Variants in ABCC2 observed in about 807,000 individuals in gnomAD.
ABCC2 encodes ATP-binding cassette sub-family C member 2.
Under a neutral mutation model 173.4 loss-of-function variants are expected in ABCC2, and 157 were observed. The ratio of observed to expected loss-of-function variants is 0.91; its 90% CI spans 0.80 to 1.03. ABCC2 has a LOEUF of 1.03. ABCC2 is among the 50% of genes least tolerant of loss of function. The pLI, the probability that ABCC2 is intolerant of heterozygous loss-of-function variation, is 0.00. For synonymous variants in ABCC2, 657 were observed against 693.5 expected (o/e 0.95, Z 0.83); for missense variants, 1,822 against 1,852.3 (o/e 0.98, Z 0.30).
chr10:99,807,364 A>G lies in ABCC2; in HGVS notation c.1531-20A>G, dbSNP rs2038128435. The G allele has an allele frequency of 1.2e-6, 2 of 1,613,506 alleles. No individual in the cohort carries two copies. Among genetic ancestry groups the G allele is most frequent in the South Asian group, 2.2e-5 (2 of 91,084 alleles). On this transcript the variant is annotated intron_variant, in intron 11 of 31. Coordinates refer to ENST00000647814, the MANE Select transcript of ABCC2 (RefSeq NM_000392.5). The stretch of plus-strand genomic sequence containing the variant: ...TTTCAGGGGCAATCATGTGAGCTGT[A>G]TTTTTTTTCAACTTATTAGATCCTG...
chr10:99,793,460 T>G (rs1232027217), intron 3 of ABCC2, 91 bp from the exon 4 acceptor site: 1 of 1,575,650 alleles, frequency 6.3e-7, no homozygotes, highest in Non-Finnish European at 8.7e-7. Context: ...CCCTCAGCCC[T>G]CCTTTCTTCC....
At chr10:99,814,378 C>T (rs569329905) in intron 16 of ABCC2, among the ~76,000 whole-genome samples, 707 of 24,122 alleles carry the variant, frequency 0.029, 153 homozygotes, top group South Asian at 0.05. Context: ...TATATATACA[C>T]ATATATACAT....
chr10:99,801,670 G>C (rs559003024), intron 9 of ABCC2, among the ~76,000 whole-genome samples: 5 of 152,326 alleles, frequency 3.3e-5, no homozygotes, highest in South Asian at 2.1e-4. Context: ...ACAGGCTTGA[G>C]GAGAAAATTC....
At chr10:99,797,074 C>A in intron 6 of ABCC2, 23 bp from the exon 7 acceptor site, 1 of 1,609,036 alleles carries the variant, frequency 6.2e-7, no homozygotes, top group Non-Finnish European at 8.5e-7. Flanking sequence ...GGGGTCTCAG[C>A]CTGTGGTTCG....
chr10:99,818,382 T>C (rs186274924), intron 17 of ABCC2, among the ~76,000 whole-genome samples: 170 of 152,306 alleles, frequency 1.1e-3, no homozygotes, highest in Non-Finnish European at 1.8e-3. Context: ...AACAAAAATC[T>C]TGAGATGTTA....
chr10:99,845,697 C>T lies in ABCC2; in HGVS notation c.4061C>T (p.Ala1354Val). The T allele has an allele frequency of 1.9e-6, 3 of 1,614,024 alleles. No homozygotes were observed. Among genetic ancestry groups the T allele is most frequent in the South Asian group, 1.1e-5 (1 of 91,058 alleles). The change falls in exon 29 of 32, where the codon GCC becomes GTC. Residue 1354 changes from alanine to valine, a missense_variant. Ala to Val is a moderately conservative substitution (Grantham distance 64). Transcript: ENST00000647814. ...TNCLFRILEA[A>V]GGQIIIDGVD... ...TGCCTCTTCAGAATCTTAGAGGCTG[C>T]CGGTGGTCAGATTATCATTGATGGA...
At chr10:99,832,876 C>G (rs1315767197) in intron 23 of ABCC2, among the ~76,000 whole-genome samples, 8 of 152,226 alleles carry the variant, frequency 5.3e-5, no homozygotes, top group Non-Finnish European at 1.2e-4. Context: ...CACTGGGGCA[C>G]TCAATGAATG....
intron 12 of ABCC2, 76 bp from the exon 13 acceptor site, chr10:99,808,007 T>C (rs1030113748): frequency 7.1e-6 from 11 of 1,551,422 alleles, no homozygotes; most frequent in African/African-American, 1.4e-5. Context: ...CTCTGATATA[T>C]GGTGTTCCTG....
chr10:99,784,816 C>A (rs751840784), intron 2 of ABCC2, 35 bp downstream of exon 2: 2 of 1,607,336 alleles, frequency 1.2e-6, no homozygotes, highest in African/African-American at 1.3e-5. Context: ...AACTCTAATT[C>A]CTTGGTGCAC....
intron 15 of ABCC2, among the ~76,000 whole-genome samples, chr10:99,812,246 G>A (rs752705885): frequency 1.2e-4 from 19 of 152,218 alleles, no homozygotes; most frequent in Non-Finnish European, 2.4e-4. Context: ...ATGAGTTGGG[G>A]CAGGAGCACA....
In ABCC2 at chr10:99,792,245, T is replaced by C. The variant is rs752859125; in HGVS notation, c.219T>C (p.Gly73=). 2 of 1,614,050 alleles carry C rather than the reference T, an allele frequency of 1.2e-6. No individual in the cohort carries two copies. Among genetic ancestry groups the C allele is most frequent in the South Asian group, 1.1e-5 (1 of 91,086 alleles). The change falls in exon 3 of 32, where the codon GGT becomes GGC. Residue 73 remains glycine (G), a synonymous_variant. Transcript: ENST00000647814. ...TTTTCCCTTCTCAGGTATTCGTTGG[T>C]TTTCTTCTTATTCTAGCAGCCATAG... ...KLYLAKQVFV[G]FLLILAAIEL... is the part of the protein sequence containing the mutation.
At chr10:99,823,229 GT>G (rs2038570708) in intron 19 of ABCC2, among the ~76,000 whole-genome samples, 1 of 152,008 alleles carries the variant, frequency 6.6e-6, no homozygotes, top group African/African-American at 2.4e-5. Flanking sequence ...CATCAAATTT[GT>G]TTTTTAATCC....
intron 9 of ABCC2, among the ~76,000 whole-genome samples, chr10:99,803,364 A>G (rs1289195258): frequency 6.6e-6 from 1 of 152,204 alleles, no homozygotes; most frequent in African/African-American, 2.4e-5. Flanking sequence ...ACCTCTTCAT[A>G]AGAGTATGAC....
chr10:99,830,532 T>C, intron 20 of ABCC2, 99 bp downstream of exon 20: 2 of 1,580,498 alleles, frequency 1.3e-6, no homozygotes, highest in Non-Finnish European at 8.7e-7. Flanking sequence ...GTTAACACCA[T>C]GGACACTCCA....
chr10:99,821,090 AAC>A lies in ABCC2; in HGVS notation c.2620+1824_2620+1825del, dbSNP rs1254533155. Among the ~76,000 whole-genome samples, 18 of 152,198 alleles carry A rather than the reference AAC, an allele frequency of 1.2e-4. 1 individual carries two copies. Among genetic ancestry groups the A allele is most frequent in the Admixed American group, 1.0e-3 (16 of 15,278 alleles). ...ATTGTGGGGAGAGGGTCAGCAGACA[AAC>A]ACGTGAACAAAGTTCTTTGCATCAT... is the stretch of plus-strand genomic sequence containing the variant. On this transcript the variant is annotated intron_variant, in intron 19 of 31. Coordinates refer to ENST00000647814, the MANE Select transcript of ABCC2 (RefSeq NM_000392.5).
chr10:99,807,630 C>T (rs1479451771), intron 12 of ABCC2, 109 bp downstream of exon 12: 3 of 1,502,682 alleles, frequency 2.0e-6, no homozygotes, highest in Non-Finnish European at 1.8e-6. Flanking sequence ...GGCCTGACCG[C>T]AAGATCCAGG....
rs1564683578 is a variant in ABCC2, at chr10:99,814,196, T to TATGTATACACAC, written c.2094+1052_2094+1053insATGTATACACAC. On this transcript the variant is annotated intron_variant, in intron 16 of 31. Coordinates refer to ENST00000647814, the MANE Select transcript of ABCC2 (RefSeq NM_000392.5). ...ACACACATGTATGTATACACACATG[T>TATGTATACACAC]GTATATATACACACATGTGTATATA... Among the ~76,000 whole-genome samples the TATGTATACACAC allele has an allele frequency of 2.2e-3, 103 of 46,558 alleles. 2 individuals carry two copies. Among genetic ancestry groups the TATGTATACACAC allele is most frequent in the African/African-American group, 7.5e-3 (92 of 12,326 alleles). 30.5% of individuals were successfully genotyped at this position (46,558 alleles called of 152,430 possible).
rs745598000 is a variant in ABCC2, at chr10:99,793,876, GT to G, written c.469-9del. ...GACAAAAGGCTCATTTTTCCTCTTT[GT>G]TTTTTTCCTCATAGGGTGACAATTC... On this transcript the variant is annotated splice_polypyrimidine_tract_variant and intron_variant, in intron 4 of 31. Transcript: ENST00000647814. 4 of 1,606,690 alleles carry G rather than the reference GT, an allele frequency of 2.5e-6. No individual in the cohort carries two copies. Among genetic ancestry groups the G allele is most frequent in the Middle Eastern group, 1.6e-4 (1 of 6,072 alleles).
At chr10:99,828,394 G>A (rs1384340277) in intron 19 of ABCC2, among the ~76,000 whole-genome samples, 1 of 152,136 alleles carries the variant, frequency 6.6e-6, no homozygotes, top group Non-Finnish European at 1.5e-5. Context: ...TTCTGTGTAT[G>A]AGTTTCCTAA....
Sources: gnomAD v4.1 joint callset for allele counts (sites outside exome capture counted in the v4.1 genomes callset) on GRCh38, gnomAD v4.1.1 for gene constraint, MANE v1.5 for transcripts, NCBI Gene and HGNC (gene_info 2026-07-23, HGNC 2026-07-21) for gene names.